Variants in FAT2 observed in about 807,000 individuals in gnomAD.
FAT2 encodes FAT atypical cadherin 2.
A neutral mutation model predicts 295.3 loss-of-function variants in FAT2; 150 were observed. The observed-to-expected ratio is 0.51, with a 90% CI of 0.44 to 0.58. FAT2 has a LOEUF of 0.58. Among genes scored for constraint, FAT2 ranks in the 20% least tolerant of loss-of-function variants. The probability of loss-of-function intolerance (pLI) is 0.00; values close to 1 mark genes in which losing one functional copy is unlikely to be tolerated. For synonymous variants in FAT2, 2,026 were observed against 2,150.3 expected (o/e 0.94, Z 1.60); for missense variants, 4,868 against 5,442.7 (o/e 0.89, Z 3.32).
At chr5:151,537,320 A>G (rs1337021404) in intron 12 of FAT2, among the ~76,000 whole-genome samples, 1 of 13,304 alleles carries the variant, frequency 7.5e-5, no homozygotes, top group Non-Finnish European at 1.6e-4. Flanking sequence ...AAAAAGAAAG[A>G]GAAAAAAAGA....
In FAT2 at chr5:151,554,620, C is replaced by T. The variant is rs2127631468; in HGVS notation, c.3687G>A (p.Val1229=). The change falls in exon 5 of 24, where the codon GTG becomes GTA. Residue 1229 remains valine (V), a synonymous_variant. Transcript: ENST00000261800. ...EPSLKSTSRV[V]VGILDVNDNP... ...TGTCATTGACGTCCAAGATGCCTACCACCACCCTGGAGGTGGACTTCAGTG... is the reference window on the plus strand; with the variant it reads ...TGTCATTGACGTCCAAGATGCCTACTACCACCCTGGAGGTGGACTTCAGTG... 1.2e-6 allele frequency: 2 copies of T among 1,614,034 alleles called. No homozygotes were observed. The highest frequency in any genetic ancestry group is 1.7e-6 in the Non-Finnish European group (2 of 1,179,990).
At chr5:151,536,387 T>C (rs1251274362) in intron 12 of FAT2, among the ~76,000 whole-genome samples, 1 of 152,064 alleles carries the variant, frequency 6.6e-6, no homozygotes, top group African/African-American at 2.4e-5. Context: ...TGCGACACCC[T>C]TCTCCCCTGC....
chr5:151,540,162 T>C (rs929769227), intron 11 of FAT2, among the ~76,000 whole-genome samples: 2 of 152,238 alleles, frequency 1.3e-5, no homozygotes, highest in African/African-American at 2.4e-5. Context: ...TAGACCTTTG[T>C]TGGGAATGTA....
Position 151,566,603 on chromosome 5 carries a change from G to C in FAT2, c.2329C>G (p.Pro777Ala), listed in dbSNP as rs761941414. Residue 777 changes from proline (P) to alanine (A), a missense_variant, in exon 2 of 24, where the codon CCC becomes GCC. Coordinates refer to ENST00000261800, the MANE Select transcript of FAT2 (RefSeq NM_001447.3). ...AAATTGGTGGCTTCATAGTCCAAGGGAGCAGCTACAGTGAGCAGCCCTGTC... is the reference window on the plus strand; with the variant it reads ...AAATTGGTGGCTTCATAGTCCAAGGCAGCAGCTACAGTGAGCAGCCCTGTC... Reference protein sequence around the residue: ...LETGLLTVAAPLDYEATNFYI... With the variant: ...LETGLLTVAAALDYEATNFYI... The C allele has an allele frequency of 1.9e-6, 3 of 1,614,128 alleles. No individual in the cohort carries two copies. The highest frequency in any genetic ancestry group is 2.5e-6 in the Non-Finnish European group (3 of 1,180,018).
Position 151,550,601 on chromosome 5 carries a change from G to T in FAT2, c.4567C>A (p.Leu1523Met). 1 of 1,614,116 alleles carries T rather than the reference G, an allele frequency of 6.2e-7. No homozygotes were observed. Among genetic ancestry groups the T allele is most frequent in the Non-Finnish European group, 8.5e-7 (1 of 1,179,980 alleles). Reference protein sequence around the residue: ...DLGSGPSQHTLTVMVRDQEIP... With the variant: ...DLGSGPSQHTMTVMVRDQEIP... ...TTCCATTTACTCACCATGACTGTCA[G>T]TGTGTGCTGGGAGGGCCCCGAGCCG... Residue 1523 changes from leucine (L) to methionine (M), a missense_variant, in exon 8 of 24, where the codon CTG (leucine) becomes ATG (methionine). By Grantham distance (15) the Leu-to-Met change is conservative. Coordinates refer to ENST00000261800, the MANE Select transcript of FAT2 (RefSeq NM_001447.3).
chr5:151,555,367 C>CTTTTTTTTTTTT (rs912481589), intron 4 of FAT2, among the ~76,000 whole-genome samples: 1 of 123,110 alleles, frequency 8.1e-6, no homozygotes, highest in African/African-American at 3.1e-5. Context: ...TAATATATTT[C>CTTTTTTTTTTTT]TTTTTTTTTT....
intron 3 of FAT2, among the ~76,000 whole-genome samples, chr5:151,556,901 A>G (rs1359963964): frequency 6.6e-6 from 1 of 152,186 alleles, no homozygotes; most frequent in Non-Finnish European, 1.5e-5. Flanking sequence ...TAGGCTGAGG[A>G]GCATCAGAAC....
At position 151,512,273 on chromosome 5, in the gene FAT2, C is replaced by T. The variant is rs775472786; in HGVS notation, c.11797G>A (p.Ala3933Thr). The change falls in exon 21 of 24, where the codon GCA becomes ACA. Residue 3933 changes from alanine (A) to threonine (T), a missense_variant. This residue lies in a region of FAT2 where 1,046 missense variants were observed against 1,210.1 expected (regional missense o/e 0.86). Coordinates refer to ENST00000261800, the MANE Select transcript of FAT2 (RefSeq NM_001447.3). This position sits in a 1 kb window ranked among gnomAD's most constrained non-coding sequence, Gnocchi z 4.1. ...LDLLAPGKTV[A>T]GLLETQALTQ... is the part of the protein sequence containing the mutation. ...AGGGCTTGTGTCTCCAGCAAGCCTG[C>T]CACCGTCTTGCCAGGGGCCAGCAGA... is the stretch of plus-strand genomic sequence containing the variant. 9.9e-6 allele frequency: 16 copies of T among 1,614,226 alleles called. No homozygotes were observed. Among genetic ancestry groups the T allele is most frequent in the Non-Finnish European group, 1.3e-5 (15 of 1,180,048 alleles).
Position 151,537,792 on chromosome 5 carries a change from CCT to C in FAT2, c.9192_9193del (p.Glu3066AlafsTer42). ...TTGATCCTGCAGCTCAGGAAACCCA[CCT>C]GTATGAGGATCCAGCTTGAATTCAT... On this transcript the variant is annotated frameshift_variant and splice_region_variant, in exon 12 of 24. Transcript: ENST00000261800. LOFTEE classifies it high-confidence loss of function. 1 of 1,608,534 alleles carries C rather than the reference CCT, an allele frequency of 6.2e-7. No individual in the cohort carries two copies. Among genetic ancestry groups the C allele is most frequent in the Non-Finnish European group, 8.5e-7 (1 of 1,176,604 alleles).
chr5:151,589,401 C>T (rs898621448), intron 1 of FAT2, among the ~76,000 whole-genome samples: 1 of 152,190 alleles, frequency 6.6e-6, no homozygotes, highest in Non-Finnish European at 1.5e-5. Flanking sequence ...TTAGAGTATG[C>T]AGGAAGCTGA....
intron 8 of FAT2, among the ~76,000 whole-genome samples, chr5:151,550,116 G>A (rs1287629320): frequency 1.3e-5 from 2 of 152,146 alleles, no homozygotes; most frequent in African/African-American, 4.8e-5. Flanking sequence ...AAGCAAGTGA[G>A]GCAAGTAGGG....
chr5:151,527,244 G>A lies in FAT2; in HGVS notation c.10298C>T (p.Thr3433Ile), dbSNP rs1464065473. ...PPRFFQLNYS[T>I]TVQENSPIGS... ...GAGGCTCAAGCTTACCTGGACAGTG[G>A]TGCTGTAGTTGAGCTGGAAGAATCT... is the stretch of plus-strand genomic sequence containing the variant. The change falls in exon 17 of 24, where the codon ACC becomes ATC. Residue 3433 changes from threonine to isoleucine, a missense_variant. Physicochemically the swap from Thr to Ile is moderately conservative, Grantham distance 89. This residue lies in a region of FAT2 where 1,046 missense variants were observed against 1,210.1 expected (regional missense o/e 0.86). Coordinates refer to ENST00000261800, the MANE Select transcript of FAT2 (RefSeq NM_001447.3). 6.2e-7 allele frequency: 1 copy of A among 1,610,562 alleles called. No homozygotes were observed. Among genetic ancestry groups the A allele is most frequent in the Non-Finnish European group, 8.5e-7 (1 of 1,177,922 alleles).
rs1754642337 is a variant in FAT2 at position 151,531,787 on chromosome 5, A to G, written c.9611T>C (p.Val3204Ala). Residue 3204 changes from valine (V) to alanine (A), a missense_variant, in exon 14 of 24, where the codon GTC becomes GCC. This residue lies in a region of FAT2 where 1,046 missense variants were observed against 1,210.1 expected (regional missense o/e 0.86). Coordinates refer to ENST00000261800, the MANE Select transcript of FAT2 (RefSeq NM_001447.3). The surrounding 1 kb of genome is among the most constrained non-coding windows in gnomAD (Gnocchi z 5.7). ...TTCTAGGCCCACCACCGAGACTGTGACGGTGCCCAGCGTGGACAGCGGTAT... is the reference window on the plus strand; with the variant it reads ...TTCTAGGCCCACCACCGAGACTGTGGCGGTGCCCAGCGTGGACAGCGGTAT... ...TPIPLSTLGT[V>A]TVSVVGLEDY... 6.2e-7 allele frequency: 1 copy of G among 1,612,722 alleles called. No homozygotes were observed. Among genetic ancestry groups the G allele is most frequent in the East Asian group, 2.2e-5 (1 of 44,854 alleles).
At chr5:151,577,827 A>C (rs1340158912) in intron 1 of FAT2, among the ~76,000 whole-genome samples, 1 of 152,046 alleles carries the variant, frequency 6.6e-6, no homozygotes, top group Non-Finnish European at 1.5e-5. Flanking sequence ...GTCTGTACGG[A>C]TCTATGAGCT....
In FAT2 at chr5:151,543,318, C is replaced by T. The variant is rs368590845; in HGVS notation, c.7809G>A (p.Pro2603=). 1.5e-4 allele frequency: 235 copies of T among 1,614,026 alleles called. No individual in the cohort carries two copies. Among genetic ancestry groups the T allele is most frequent in the Non-Finnish European group, 1.9e-4 (221 of 1,180,024 alleles). ...CATCATAGGCCAACACCTGGATAAC[C>T]GGAGAGTCTTTACTGACATTGGATT... ...SIQSNVSKDS[P]VIQVLAYDAD... is the part of the protein sequence containing the mutation. Residue 2603 remains proline, a synonymous_variant, in exon 10 of 24, where the codon CCG becomes CCA. Transcript: ENST00000261800.
In FAT2 at chr5:151,534,623, A is replaced by T. The variant is rs1432643; in HGVS notation, c.9213T>A (p.Thr3071=). 894,515 of 1,610,418 alleles carry T rather than the reference A, an allele frequency of 0.56. 252,658 individuals are homozygous for T. The highest frequency in any genetic ancestry group is 0.84 in the East Asian group (37,797 of 44,732). The change falls in exon 13 of 24, where the codon ACT becomes ACA. Residue 3071 remains threonine (T), a synonymous_variant. Coordinates refer to ENST00000261800, the MANE Select transcript of FAT2 (RefSeq NM_001447.3). ...DPHTGELTTL[T]ALDRERKDVF... ...CATCCTTCCTTTCTCGGTCTAGGGC[A>T]GTGAGTGTGGTCAGCTCCCCTGGTC...
At chr5:151,552,496 G>A (rs1047923789) in intron 6 of FAT2, among the ~76,000 whole-genome samples, 1 of 152,144 alleles carries the variant, frequency 6.6e-6, no homozygotes, top group Non-Finnish European at 1.5e-5. Flanking sequence ...AACTCCTAGA[G>A]ATTTTTAACC....
chr5:151,507,060 A>C, intron 23 of FAT2, 94 bp downstream of exon 23: 1 of 1,107,170 alleles, frequency 9.0e-7, no homozygotes. Context: ...GATGCGTGGT[A>C]GCTAAAAATG....
intron 16 of FAT2, 123 bp downstream of exon 16, chr5:151,527,873 A>T: frequency 7.7e-7 from 1 of 1,306,842 alleles, no homozygotes. Context: ...AGTGAGAGAC[A>T]TTCTGGGAAG....
Sources: gnomAD v4.1 joint callset for allele counts (sites outside exome capture counted in the v4.1 genomes callset) on GRCh38, gnomAD v4.1.1 for gene constraint, gnomAD v4.1.1 regional missense constraint, Gnocchi (gnomAD v3.1) non-coding constraint, MANE v1.5 for transcripts, NCBI Gene and HGNC (gene_info 2026-07-23, HGNC 2026-07-21) for gene names.